AMY2A: variants seen among roughly 807,000 people sequenced by gnomAD.
The protein encoded by AMY2A is pancreatic alpha-amylase.
AMY2A carries 16 observed loss-of-function variants against 43.0 expected under a neutral mutation model. The observed-to-expected ratio is 0.37, with a 90% CI of 0.25 to 0.56. AMY2A has a LOEUF of 0.56. Among genes scored for constraint, AMY2A ranks in the 20% least tolerant of loss-of-function variants. The probability of loss-of-function intolerance (pLI) is 0.77; values close to 1 mark genes in which losing one functional copy is unlikely to be tolerated. For missense variants in AMY2A, 212 were observed against 456.8 expected, an observed-to-expected ratio of 0.46 and a Z score of 4.89; for synonymous variants, 70 against 144.6, an observed-to-expected ratio of 0.48 and a Z score of 3.70.
In AMY2A at chr1:103,619,826, G is replaced by A. The variant is rs201325789; in HGVS notation, c.744+42G>A. On this transcript the variant is annotated intron_variant, in intron 4 of 9. Transcript: ENST00000414303. ...ATGCCTATAAAATATCATCTTATTC[G>A]TTAGAAAATTAATGGAAGATTTAAT... 11,331 of 1,594,160 alleles carry A rather than the reference G, an allele frequency of 7.1e-3. 131 individuals carry two copies. The African/African-American group carries it at 0.14, about 19-fold the overall frequency.
At chr1:103,617,637 G>A in intron 1 of AMY2A, 29 bp downstream of exon 1, 3 of 1,600,956 alleles carry the variant, frequency 1.9e-6, no homozygotes, top group South Asian at 1.1e-5. Context: ...ATCAATTGCG[G>A]AATTCACTGT....
upstream of AMY2A, chr1:103,617,202 T>TA: frequency 8.8e-7 from 1 of 1,130,802 alleles, no homozygotes; most frequent in Non-Finnish European, 1.2e-6. Flanking sequence ...TAAGGAAAAA[T>TA]AAAAGTGCTG....
At chr1:103,619,279 AT>A (rs1369365133) in intron 3 of AMY2A, among the ~76,000 whole-genome samples, 171 bp downstream of exon 3, 1 of 150,060 alleles carries the variant, frequency 6.7e-6, no homozygotes, top group Non-Finnish European at 1.5e-5. Flanking sequence ...ACTTTCAAAT[AT>A]TGATTTAAGA....
chr1:103,623,277 C>T (rs903187406), intron 7 of AMY2A, among the ~76,000 whole-genome samples: 3 of 135,460 alleles, frequency 2.2e-5, no homozygotes, highest in Middle Eastern at 3.8e-3. Flanking sequence ...TACTAATGCC[C>T]TTCCCATTTC....
chr1:103,619,882 G>A, intron 4 of AMY2A, 98 bp downstream of exon 4: 1 of 1,530,550 alleles, frequency 6.5e-7, no homozygotes, highest in Non-Finnish European at 9.0e-7. Context: ...GATAAGGAAT[G>A]AGACATTTAC....
rs1653157100 is a variant in AMY2A, at chr1:103,618,963, G to A, written c.368G>A (p.Ser123Asn). 2.8e-6 allele frequency: 4 copies of A among 1,425,528 alleles called. No homozygotes were observed. Among genetic ancestry groups the A allele is most frequent in the South Asian group, 1.3e-5 (1 of 74,234 alleles). The allele number at this position is 1,425,528 out of a possible 1,614,324, so 88.3% of individuals were successfully genotyped here. The change falls in exon 3 of 10, where the codon AGT (serine) becomes AAT (asparagine). Residue 123 changes from serine (S) to asparagine (N), a missense_variant. Coordinates refer to ENST00000414303, the MANE Select transcript of AMY2A (RefSeq NM_000699.4). ...AATCATATGTGTGGTAACGCTGTGA[G>A]TGCAGGAACAAGCAGTACCTGTGGA... ...VINHMCGNAV[S>N]AGTSSTCGSY... is the part of the protein sequence containing the mutation.
chr1:103,619,353 T>C (rs1653169468), intron 3 of AMY2A, among the ~76,000 whole-genome samples: 1 of 150,574 alleles, frequency 6.6e-6, no homozygotes, highest in Non-Finnish European at 1.5e-5. Context: ...TCATCGACTT[T>C]ATTTCCTAAA....
rs962664632 is a variant in AMY2A at position 103,617,875 on chromosome 1, C to T, written c.169-79C>T. ...TACCAAGATTCAAGAATCTTTTATA[C>T]TATTGATTAGTTTCTAGAACATTCA... On this transcript the variant is annotated intron_variant, in intron 1 of 9. Coordinates refer to ENST00000414303, the MANE Select transcript of AMY2A (RefSeq NM_000699.4). 2.1e-5 allele frequency: 33 copies of T among 1,589,150 alleles called. 2 individuals are homozygous for T. The highest frequency in any genetic ancestry group is 1.7e-4 in the Admixed American group (10 of 58,104).
upstream of AMY2A, chr1:103,617,155 A>C: frequency 1.0e-6 from 1 of 965,662 alleles, no homozygotes; most frequent in East Asian, 3.4e-5. Context: ...TTCTACTGTT[A>C]TGTGAGAACA....
chr1:103,618,931 TG>T lies in AMY2A; in HGVS notation c.337del (p.Val113Ter). Reference sequence around the variant, plus strand: ...TCTAGGTTCGTATTTATGTGGATGCTGTAATTAATCATATGTGTGGTAACGC... The same window carrying T: ...TCTAGGTTCGTATTTATGTGGATGCTTAATTAATCATATGTGTGGTAACGC... ...NVGVRIYVDA[V>X]INHMCGNAVS... On this transcript the variant is annotated frameshift_variant, in exon 3 of 10. Transcript: ENST00000414303. LOFTEE classifies it high-confidence loss of function. 7.5e-7 allele frequency: 1 copy of T among 1,339,520 alleles called. No homozygotes were observed. The highest frequency in any genetic ancestry group is 1.0e-6 in the Non-Finnish European group (1 of 987,238). The allele number at this position is 1,339,520 out of a possible 1,614,324, so 83.0% of individuals were successfully genotyped here. A position where few individuals can be genotyped will look rare whatever the true frequency, so the allele number is the denominator to read the frequency against.
intron 1 of AMY2A, 131 bp downstream of exon 1, chr1:103,617,739 G>A: frequency 1.9e-6 from 3 of 1,553,906 alleles, no homozygotes; most frequent in Non-Finnish European, 2.6e-6. Context: ...AGATTTCTGA[G>A]GGAAAATCTA....
Position 103,618,385 on chromosome 1 carries a change from A to T in AMY2A, c.315+285A>T, listed in dbSNP as rs1056372744. On this transcript the variant is annotated intron_variant, in intron 2 of 9. Coordinates refer to ENST00000414303, the MANE Select transcript of AMY2A (RefSeq NM_000699.4). ...TGTTCGTATTTCCCGGAAACAATTT[A>T]CTGGTTAGGAAGTATAATTCCAGTT... is the stretch of plus-strand genomic sequence containing the variant. Among the ~76,000 whole-genome samples, 5 of 150,868 alleles carry T rather than the reference A, an allele frequency of 3.3e-5. No homozygotes were observed. In the South Asian group the frequency reaches 6.3e-4, roughly 19 times the overall value.
At chr1:103,617,259 T>C (rs1653102085), upstream of AMY2A, 1 of 1,314,904 alleles carries the variant, frequency 7.6e-7, no homozygotes, top group Non-Finnish European at 1.0e-6. Context: ...ATTTAGATGA[T>C]TTCCATGAGA....
chr1:103,619,009 T>C lies in AMY2A; in HGVS notation c.414T>C (p.Ser138=), dbSNP rs527623030. 5.0e-5 allele frequency: 67 copies of C among 1,343,914 alleles called. 2 individuals are homozygous for C. In the South Asian group the frequency reaches 9.2e-4, roughly 18 times the overall value. The allele number at this position is 1,343,914 out of a possible 1,614,324, so 83.2% of individuals were successfully genotyped here. The change falls in exon 3 of 10, where the codon AGT becomes AGC. Residue 138 remains serine (S), a synonymous_variant. Transcript: ENST00000414303. ...STCGSYFNPG[S]RDFPAVPYSG... ...GTGGAAGTTACTTCAACCCTGGAAG[T>C]AGGGACTTTCCAGCAGTCCCATATT...
intron 7 of AMY2A, among the ~76,000 whole-genome samples, chr1:103,623,142 T>C (rs910013809): frequency 9.7e-6 from 1 of 102,774 alleles, no homozygotes; most frequent in African/African-American, 4.0e-5. Context: ...TTAATTTTTA[T>C]AGCAAAAAAA....
intron 4 of AMY2A, 128 bp downstream of exon 4, chr1:103,619,912 C>A: frequency 1.4e-6 from 2 of 1,477,856 alleles, no homozygotes; most frequent in South Asian, 2.4e-5. Flanking sequence ...TGTTCTTTAA[C>A]CTCCTCTTCT....
Position 103,618,978 on chromosome 1 carries a change from G to T in AMY2A, c.383G>T (p.Ser128Ile), listed in dbSNP as rs765781153. 1 of 1,412,938 alleles carries T rather than the reference G, an allele frequency of 7.1e-7. No individual in the cohort carries two copies. Among genetic ancestry groups the T allele is most frequent in the South Asian group, 1.4e-5 (1 of 73,946 alleles). 87.5% of individuals were successfully genotyped at this position (1,412,938 alleles called of 1,614,324 possible). Residue 128 changes from serine (S) to isoleucine (I), a missense_variant, in exon 3 of 10, where the codon AGT becomes ATT. Physicochemically the swap from Ser to Ile is moderately radical, Grantham distance 142. Coordinates refer to ENST00000414303, the MANE Select transcript of AMY2A (RefSeq NM_000699.4). ...CGNAVSAGTS[S>I]TCGSYFNPGS... ...AACGCTGTGAGTGCAGGAACAAGCA[G>T]TACCTGTGGAAGTTACTTCAACCCT...
At chr1:103,618,557 A>T (rs1438221830) in intron 2 of AMY2A, among the ~76,000 whole-genome samples, 1 of 150,724 alleles carries the variant, frequency 6.6e-6, no homozygotes, top group East Asian at 1.9e-4. Flanking sequence ...CTTCATAGAG[A>T]GTACAGGCTT....
intron 4 of AMY2A, 172 bp downstream of exon 4, chr1:103,619,956 A>T (rs1392726036): frequency 2.8e-5 from 38 of 1,378,312 alleles, no homozygotes; most frequent in Non-Finnish European, 3.5e-5. Context: ...TTATCACAAC[A>T]TGTTTTATGG....
Sources: allele counts gnomAD v4.1 joint callset (sites outside exome capture counted in the v4.1 genomes callset), GRCh38; gene constraint gnomAD v4.1.1; transcripts MANE v1.5; gene names NCBI Gene and HGNC (gene_info 2026-07-23, HGNC 2026-07-21).